The following CCNL1 variants were observed in gnomAD, a reference collection of about 807,000 sequenced individuals.
CCNL1 encodes cyclin L1, also known as cyclin-L1.
Under a neutral mutation model 60.6 loss-of-function variants are expected in CCNL1, and 13 were observed. The ratio of observed to expected loss-of-function variants is 0.21; its 90% CI spans 0.14 to 0.34. CCNL1 has a LOEUF of 0.34. Among genes scored for constraint, CCNL1 ranks in the 10% least tolerant of loss-of-function variants. The pLI is 1.00. For synonymous variants in CCNL1, 270 were observed against 244.3 expected (o/e 1.10, Z -0.98); for missense variants, 481 against 664.3 (o/e 0.72, Z 3.03).
chr3:157,145,462 A>C (rs1442726714), downstream of CCNL1, among the ~76,000 whole-genome samples: 22 of 148,416 alleles, frequency 1.5e-4, 1 homozygote, highest in Non-Finnish European at 5.9e-5. Context: ...AAAAAAAAAA[A>C]AACCAAAACG....
chr3:157,158,883 G>C lies in CCNL1; in HGVS notation c.471C>G (p.Arg157=). Residue 157 remains arginine, a synonymous_variant, in exon 3 of 11, where the codon CGC becomes CGG. Coordinates refer to ENST00000295926, the MANE Select transcript of CCNL1 (RefSeq NM_020307.4). ...AATCTTACCTTTTTCCTCTTAACTGGCGGAGGTGGTGGAATACATTAATCA... is the reference window on the plus strand; with the variant it reads ...AATCTTACCTTTTTCCTCTTAACTGCCGGAGGTGGTGGAATACATTAATCA... ...RDVINVFHHL[R]QLRGKRTPSP... is the part of the protein sequence containing the mutation. 6.2e-7 allele frequency: 1 copy of C among 1,610,476 alleles called. No individual in the cohort carries two copies. Among genetic ancestry groups the C allele is most frequent in the South Asian group, 1.1e-5 (1 of 90,926 alleles).
At position 157,149,940 on chromosome 3, in the gene CCNL1, C is replaced by G. The variant is rs1738044886; in HGVS notation, c.917G>C (p.Arg306Thr). 3 of 1,613,444 alleles carry G rather than the reference C, an allele frequency of 1.9e-6. No homozygotes were observed. Among genetic ancestry groups the G allele is most frequent in the Non-Finnish European group, 2.5e-6 (3 of 1,179,844 alleles). ...YELLEKEVEK[R>T]KVALQEAKLK... ...TTTGGCTTCTTGTAAGGCTACTTTT[C>G]TTTTTTCTACTTCTTTTTCCAGTAA... The change falls in exon 8 of 11, where the codon AGA becomes ACA. Residue 306 changes from arginine to threonine, a missense_variant. By Grantham distance (71) the Arg-to-Thr change is moderately conservative. Coordinates refer to ENST00000295926, the MANE Select transcript of CCNL1 (RefSeq NM_020307.4).
downstream of CCNL1, among the ~76,000 whole-genome samples, chr3:157,145,466 C>CAAAAAAAA (rs1737755942): frequency 1.9e-3 from 170 of 88,958 alleles, 10 homozygotes; most frequent in African/African-American, 5.4e-3. Flanking sequence ...AAAAAAAAAC[C>CAAAAAAAA]AAAACGGGAT....
chr3:157,145,113 T>C (rs1737740978), downstream of CCNL1, among the ~76,000 whole-genome samples: 2 of 152,150 alleles, frequency 1.3e-5, no homozygotes, highest in Admixed American at 6.5e-5. Context: ...ACAAATGTAA[T>C]GTTCTATAAC....
rs184872236 is a variant in CCNL1 at position 157,159,073 on chromosome 3, G to A, written c.379-98C>T. ...ATTGGGACAACCTTTAGTAAAATTA[G>A]AGAAGACATCTCTATGCCGTAAGTC... is the stretch of plus-strand genomic sequence containing the variant. On this transcript the variant is annotated intron_variant, in intron 2 of 10. Transcript: ENST00000295926. 1.0e-5 allele frequency: 8 copies of A among 787,252 alleles called. No individual in the cohort carries two copies. The Admixed American group carries it at 1.4e-4, about 14-fold the overall frequency. 48.8% of individuals were successfully genotyped at this position (787,252 alleles called of 1,614,324 possible).
In CCNL1 at chr3:157,152,042, T is replaced by TA. The variant is rs1451750969; in HGVS notation, c.674+134dup. ...AAATAAGCATTATTTACCTTTTGGT[T>TA]AAAAAAACAAAACAAAAAAACAACG... On this transcript the variant is annotated intron_variant, in intron 5 of 10. Transcript: ENST00000295926. 9 of 1,484,782 alleles carry TA rather than the reference T, an allele frequency of 6.1e-6. No individual in the cohort carries two copies. In the East Asian group the frequency reaches 1.4e-4, roughly 24 times the overall value. The allele number at this position is 1,484,782 out of a possible 1,614,324, so 92.0% of individuals were successfully genotyped here. A position where few individuals can be genotyped will look rare whatever the true frequency, so the allele number is the denominator to read the frequency against.
Position 157,150,283 on chromosome 3 carries a change from T to G in CCNL1, c.773A>C (p.Gln258Pro). 6.2e-7 allele frequency: 1 copy of G among 1,613,860 alleles called. No homozygotes were observed. The highest frequency in any genetic ancestry group is 8.5e-7 in the Non-Finnish European group (1 of 1,179,812). The change falls in exon 6 of 11, where the codon CAG becomes CCG. Residue 258 changes from glutamine to proline, a missense_variant and splice_region_variant. Gln to Pro is a moderately conservative substitution (Grantham distance 76, BLOSUM62 -1). Coordinates refer to ENST00000295926, the MANE Select transcript of CCNL1 (RefSeq NM_020307.4). ...ACAAAATGGGAAATATACACCTACC[T>G]GAAGTGCTCTAGCTGCAAGGTAGAT... is the stretch of plus-strand genomic sequence containing the variant. ...ACIYLAARAL[Q>P]IPLPTRPHWF...
chr3:157,154,721 T>TA (rs923582353), intron 3 of CCNL1: 4 of 152,108 alleles, frequency 2.6e-5, no homozygotes, highest in African/African-American at 9.7e-5. Flanking sequence ...GCTGACAAGA[T>TA]AAAAGACAGC....
chr3:157,156,459 G>C (rs1738632245), intron 3 of CCNL1, among the ~76,000 whole-genome samples: 3 of 152,156 alleles, frequency 2.0e-5, no homozygotes, highest in African/African-American at 7.2e-5. Context: ...CATCTCAAAA[G>C]TAAATATTTG....
At position 157,153,052 on chromosome 3, in the gene CCNL1, A is replaced by C; in HGVS notation, c.593T>G (p.Val198Gly). ...ACAACTCACCTTATGAGGATGCTTGACATGAACACAAAATCCCAACTCCTT... is the reference window on the plus strand; with the variant it reads ...ACAACTCACCTTATGAGGATGCTTGCCATGAACACAAAATCCCAACTCCTT... The part of the protein sequence containing the change: ...VLKELGFCVH[V>G]KHPHKIIVMY... The change falls in exon 4 of 11, where the codon GTC (valine) becomes GGC (glycine). Residue 198 changes from valine (V) to glycine (G), a missense_variant. By Grantham distance (109) the Val-to-Gly change is moderately radical. This residue lies in a region of CCNL1 where 14 missense variants were observed against 68.8 expected (regional missense o/e 0.20). Transcript: ENST00000295926. 6.2e-7 allele frequency: 1 copy of C among 1,613,568 alleles called. No homozygotes were observed. The highest frequency in any genetic ancestry group is 8.5e-7 in the Non-Finnish European group (1 of 1,179,620).
downstream of CCNL1, chr3:157,146,540 T>C (rs764476838): frequency 2.2e-6 from 1 of 448,912 alleles, no homozygotes; most frequent in South Asian, 1.6e-5. Context: ...CTTGGGAGGC[T>C]GAGGTGGGAG....
downstream of CCNL1, among the ~76,000 whole-genome samples, chr3:157,143,315 G>T (rs956850789): frequency 6.6e-6 from 1 of 152,210 alleles, no homozygotes; most frequent in African/African-American, 2.4e-5. Flanking sequence ...TTACATCTAT[G>T]AACTCCAGGA....
chr3:157,152,436 C>A, intron 4 of CCNL1, 195 bp from the exon 5 acceptor site: 1 of 1,267,932 alleles, frequency 7.9e-7, no homozygotes, highest in Non-Finnish European at 1.0e-6. Flanking sequence ...TGTTTAGAAG[C>A]ATATTTCAAA....
chr3:157,153,006 C>T (rs1489107068), intron 4 of CCNL1, 30 bp downstream of exon 4: 5 of 1,608,504 alleles, frequency 3.1e-6, no homozygotes, highest in Middle Eastern at 1.7e-4. Context: ...CTAATACTTA[C>T]GAACCCAATT....
chr3:157,155,492 T>C (rs1363770771), intron 3 of CCNL1, among the ~76,000 whole-genome samples: 3 of 152,196 alleles, frequency 2.0e-5, no homozygotes, highest in Non-Finnish European at 4.4e-5. Context: ...ATTCAATATA[T>C]ACTTAACTTC....
intron 4 of CCNL1, chr3:157,152,565 C>T: frequency 9.2e-7 from 1 of 1,086,006 alleles, no homozygotes; most frequent in Non-Finnish European, 1.1e-6. Flanking sequence ...CCCAGGTAGT[C>T]CTGACCCGGG....
At chr3:157,146,844 G>A (rs1319415968), downstream of CCNL1, among the ~76,000 whole-genome samples, 1 of 152,164 alleles carries the variant, frequency 6.6e-6, no homozygotes, top group Non-Finnish European at 1.5e-5. Context: ...AGCATGAAGT[G>A]GCTAACTTTT....
downstream of CCNL1, among the ~76,000 whole-genome samples, chr3:157,145,449 AAAAAAAAAAAAAAAACC>A (rs1394614593): frequency 6.8e-6 from 1 of 148,118 alleles, no homozygotes; most frequent in African/African-American, 2.5e-5. Context: ...AAAAAAAAAA[AAAAAAAAAAAAAAAACC>A]AAAACGGGAT....
At chr3:157,144,793 T>C (rs1468629005), downstream of CCNL1, among the ~76,000 whole-genome samples, 2 of 152,252 alleles carry the variant, frequency 1.3e-5, no homozygotes, top group Admixed American at 6.5e-5. Flanking sequence ...AAATCTGGTA[T>C]GTAAATTTTG....
Sources: gnomAD v4.1 joint callset for allele counts (sites outside exome capture counted in the v4.1 genomes callset) on GRCh38, gnomAD v4.1.1 for gene constraint, gnomAD v4.1.1 regional missense constraint, MANE v1.5 for transcripts, NCBI Gene and HGNC (gene_info 2026-07-23, HGNC 2026-07-21) for gene names.